Variants in PCSK2 observed in about 807,000 individuals in gnomAD.
PCSK2 encodes neuroendocrine convertase 2.
In PCSK2, 14 loss-of-function variants were observed where a neutral mutation model predicts 69.7. That is an observed-to-expected ratio of 0.20 (90% CI 0.13 to 0.31). The LOEUF is 0.31. Ranked by LOEUF, PCSK2 falls within the 10% of genes least tolerant of loss-of-function variation. The probability of loss-of-function intolerance (pLI) is 1.00; values close to 1 mark genes in which losing one functional copy is unlikely to be tolerated. For synonymous variants in PCSK2, 307 were observed against 320.7 expected (o/e 0.96, Z 0.46); for missense variants, 544 against 842.5 (o/e 0.65, Z 4.39).
chr20:17,361,947 AG>A (rs1168337176), intron 4 of PCSK2, among the ~76,000 whole-genome samples: 4 of 152,200 alleles, frequency 2.6e-5, no homozygotes, highest in Non-Finnish European at 4.4e-5. Context: ...ACAATGCATC[AG>A]GATTTGGGGA....
chr20:17,321,430 T>C (rs941160952), intron 2 of PCSK2, among the ~76,000 whole-genome samples: 3 of 152,214 alleles, frequency 2.0e-5, no homozygotes, highest in African/African-American at 7.2e-5. Flanking sequence ...CTTAATCAAT[T>C]TATGTTGAAG....
At chr20:17,271,329 A>C (rs1987857404) in intron 2 of PCSK2, among the ~76,000 whole-genome samples, 1 of 152,066 alleles carries the variant, frequency 6.6e-6, no homozygotes, top group African/African-American at 2.4e-5. Context: ...CATGTTTTAT[A>C]AATTGGGATT....
In PCSK2 at chr20:17,274,545, G is replaced by A. The variant is rs1322131809; in HGVS notation, c.282+14201G>A. 4.6e-5 allele frequency among the ~76,000 whole-genome samples: 7 copies of A among 152,148 alleles called. No homozygotes were observed. In the East Asian group the frequency reaches 1.3e-3, roughly 29 times the overall value. On this transcript the variant is annotated intron_variant, in intron 2 of 11. Transcript: ENST00000262545. ...ATTGTGATTACCCTGAGAACTCCAT[G>A]CTGTGAGTAGGCCAAGCCAGGTGGA...
intron 5 of PCSK2, among the ~76,000 whole-genome samples, chr20:17,396,127 T>A (rs2031505720): frequency 6.6e-6 from 1 of 152,214 alleles, no homozygotes; most frequent in African/African-American, 2.4e-5. Context: ...TTGTACCTCA[T>A]CACCTTGACA....
intron 4 of PCSK2, among the ~76,000 whole-genome samples, chr20:17,366,559 C>T (rs774243961): frequency 6.6e-5 from 10 of 152,174 alleles, no homozygotes; most frequent in Non-Finnish European, 1.3e-4. Flanking sequence ...AAGAATTAAA[C>T]ATAAGCCGAT....
At chr20:17,245,596 G>A (rs1396378803) in intron 1 of PCSK2, among the ~76,000 whole-genome samples, 2 of 152,104 alleles carry the variant, frequency 1.3e-5, no homozygotes, top group Middle Eastern at 3.2e-3. Flanking sequence ...ACAGACCAAA[G>A]TAACAGAGAA....
chr20:17,281,020 TCTC>T (rs1316226279), intron 2 of PCSK2, among the ~76,000 whole-genome samples: 2 of 152,230 alleles, frequency 1.3e-5, no homozygotes, highest in Non-Finnish European at 2.9e-5. Context: ...ATATTTGCCT[TCTC>T]CTTCTTTTTC....
At chr20:17,284,441 T>C (rs945166422) in intron 2 of PCSK2, among the ~76,000 whole-genome samples, 3 of 152,222 alleles carry the variant, frequency 2.0e-5, no homozygotes, top group Non-Finnish European at 4.4e-5. Flanking sequence ...AGTTATCTGA[T>C]CCATTTTCTC....
At chr20:17,244,545 A>G (rs897782164) in intron 1 of PCSK2, among the ~76,000 whole-genome samples, 1 of 152,226 alleles carries the variant, frequency 6.6e-6, no homozygotes, top group Non-Finnish European at 1.5e-5. Flanking sequence ...ACCCTGTAGA[A>G]GTCTTAACCC....
chr20:17,311,634 T>G (rs1416382028), intron 2 of PCSK2, among the ~76,000 whole-genome samples: 1 of 152,194 alleles, frequency 6.6e-6, no homozygotes, highest in Non-Finnish European at 1.5e-5. Flanking sequence ...GTCTTCATTA[T>G]GTAGTTTATT....
At chr20:17,420,275 TG>T (rs2032092457) in intron 6 of PCSK2, among the ~76,000 whole-genome samples, 1 of 152,242 alleles carries the variant, frequency 6.6e-6, no homozygotes, top group South Asian at 2.1e-4. Context: ...CTTAATGGTT[TG>T]GGAGTAGATG....
rs1481377665 is a variant in PCSK2 at position 17,260,212 on chromosome 20, A to T, written c.178-28A>T. 4 of 1,443,694 alleles carry T rather than the reference A, an allele frequency of 2.8e-6. No individual in the cohort carries two copies. In the African/African-American group the frequency reaches 4.2e-5, roughly 15 times the overall value. 89.4% of individuals were successfully genotyped at this position (1,443,694 alleles called of 1,614,324 possible). A position where few individuals can be genotyped will look rare whatever the true frequency, so the allele number is the denominator to read the frequency against. ...CCTGGGCCAACCCCAGAAGCTAACT[A>T]TGCCTATGTCTACTTGACTCTCCAC... On this transcript the variant is annotated intron_variant, in intron 1 of 11. Transcript: ENST00000262545.
intron 1 of PCSK2, among the ~76,000 whole-genome samples, chr20:17,232,872 C>G (rs778640684): frequency 2.6e-5 from 4 of 152,160 alleles, no homozygotes; most frequent in Non-Finnish European, 5.9e-5. Context: ...AGGGACAGTT[C>G]TTCTGGAACT....
chr20:17,379,522 T>A (rs2031028607), intron 5 of PCSK2, among the ~76,000 whole-genome samples: 1 of 152,272 alleles, frequency 6.6e-6, no homozygotes, highest in Non-Finnish European at 1.5e-5. Context: ...TCATGAGTAC[T>A]ATAACTGTCA....
chr20:17,257,165 G>GA (rs35220734), intron 1 of PCSK2, among the ~76,000 whole-genome samples: 3 of 151,800 alleles, frequency 2.0e-5, no homozygotes, highest in Admixed American at 1.3e-4. Context: ...ACAAACATAT[G>GA]AAAAAAAATG....
At chr20:17,343,288 T>C (rs554925395) in intron 2 of PCSK2, among the ~76,000 whole-genome samples, 1 of 152,336 alleles carries the variant, frequency 6.6e-6, no homozygotes, top group Non-Finnish European at 1.5e-5. Context: ...AAAAAGCCCA[T>C]CTTAAATGTT....
At chr20:17,358,676 C>T (rs2030289285) in intron 3 of PCSK2, among the ~76,000 whole-genome samples, 1 of 152,198 alleles carries the variant, frequency 6.6e-6, no homozygotes. Context: ...CTATGACCAA[C>T]AACTAGTGGA....
chr20:17,432,595 A>G (rs1314452354), intron 7 of PCSK2, among the ~76,000 whole-genome samples: 6 of 152,208 alleles, frequency 3.9e-5, no homozygotes, highest in African/African-American at 1.4e-4. Flanking sequence ...TTTTAAGTAA[A>G]CAACATCTTC....
intron 6 of PCSK2, among the ~76,000 whole-genome samples, chr20:17,419,259 G>C (rs773932393): frequency 6.6e-6 from 1 of 152,200 alleles, no homozygotes. Flanking sequence ...CCTTGTGCTC[G>C]ATTTGCTTTT....
Sources: allele counts gnomAD v4.1 joint callset (sites outside exome capture counted in the v4.1 genomes callset), GRCh38; gene constraint gnomAD v4.1.1; transcripts MANE v1.5; gene names NCBI Gene and HGNC (gene_info 2026-07-23, HGNC 2026-07-21).